The following DCC variants were observed in gnomAD, a reference collection of about 807,000 sequenced individuals.
DCC encodes the protein netrin receptor DCC.
Under a neutral mutation model 172.5 loss-of-function variants are expected in DCC, and 58 were observed. That is an observed-to-expected ratio of 0.34 (90% CI 0.27 to 0.42). The LOEUF is 0.42. Among genes scored for constraint, DCC ranks in the 10% least tolerant of loss-of-function variants. The pLI, the probability that DCC is intolerant of heterozygous loss-of-function variation, is 1.00. For synonymous variants in DCC, 709 were observed against 644.5 expected, an observed-to-expected ratio of 1.10 and a Z score of -1.52; for missense variants, 1,740 against 1,791.0, an observed-to-expected ratio of 0.97 and a Z score of 0.51.
chr18:52,579,466 G>T (rs533449054), intron 1 of DCC, among the ~76,000 whole-genome samples: 2 of 151,826 alleles, frequency 1.3e-5, no homozygotes, highest in Admixed American at 6.5e-5. Context: ...TCTTTTTTTT[G>T]AAATTCTTCC....
chr18:52,831,006 A>C (rs185023153), intron 2 of DCC, among the ~76,000 whole-genome samples: 11 of 152,250 alleles, frequency 7.2e-5, no homozygotes, highest in African/African-American at 2.6e-4. Flanking sequence ...GGCATAGGGC[A>C]AGTCTCGGTA....
chr18:52,701,288 C>T (rs1040390601), intron 1 of DCC, among the ~76,000 whole-genome samples: 1 of 152,044 alleles, frequency 6.6e-6, no homozygotes, highest in South Asian at 2.1e-4. Context: ...GTAGCCTAAC[C>T]TGAACGATAG....
intron 15 of DCC, among the ~76,000 whole-genome samples, chr18:53,356,601 CG>C (rs1300036355): frequency 6.6e-6 from 1 of 152,054 alleles, no homozygotes; most frequent in African/African-American, 2.4e-5. Context: ...TCCATCTGGC[CG>C]GATGGAGTCC....
chr18:53,271,598 C>T lies in DCC; in HGVS notation c.1912-33980C>T, dbSNP rs1335445719. Reference sequence around the variant, plus strand: ...TCTGTTCCTTGCTCCATGGACCTCTCCATAGGGCAGGTCATAGCAAGGCAT... The same window carrying T: ...TCTGTTCCTTGCTCCATGGACCTCTTCATAGGGCAGGTCATAGCAAGGCAT... On this transcript the variant is annotated intron_variant, in intron 12 of 28. Coordinates refer to ENST00000442544, the MANE Select transcript of DCC (RefSeq NM_005215.4). 3.9e-5 allele frequency among the ~76,000 whole-genome samples: 6 copies of T among 152,274 alleles called. No homozygotes were observed. The East Asian group carries it at 1.2e-3, about 29-fold the overall frequency.
chr18:53,017,325 C>G (rs2041822777), intron 5 of DCC, among the ~76,000 whole-genome samples: 1 of 152,040 alleles, frequency 6.6e-6, no homozygotes, highest in Non-Finnish European at 1.5e-5. Flanking sequence ...TAACAACTTC[C>G]AGTAAAAATT....
intron 1 of DCC, among the ~76,000 whole-genome samples, chr18:52,528,826 A>G (rs1336704739): frequency 1.3e-5 from 2 of 152,132 alleles, no homozygotes; most frequent in African/African-American, 4.8e-5. Flanking sequence ...ATGTTTCTGC[A>G]CAAATTTCCT....
chr18:53,467,504 A>T (rs1055149306), intron 24 of DCC, among the ~76,000 whole-genome samples: 6 of 152,180 alleles, frequency 3.9e-5, no homozygotes, highest in African/African-American at 9.6e-5. Flanking sequence ...GTGGAATATT[A>T]CATAGCTGTT....
At chr18:53,528,883 G>A (rs2046488264) in intron 28 of DCC, among the ~76,000 whole-genome samples, 1 of 151,882 alleles carries the variant, frequency 6.6e-6, no homozygotes, top group South Asian at 2.1e-4. Flanking sequence ...GAATATAATA[G>A]TTACATGTGG....
intron 1 of DCC, among the ~76,000 whole-genome samples, chr18:52,531,487 A>G (rs2144684811): frequency 6.6e-6 from 1 of 152,260 alleles, no homozygotes; most frequent in Admixed American, 6.5e-5. Flanking sequence ...TCATTACAGT[A>G]TGGTTTGTAT....
chr18:53,136,496 G>T (rs2043745063), intron 7 of DCC, among the ~76,000 whole-genome samples: 1 of 152,082 alleles, frequency 6.6e-6, no homozygotes, highest in Non-Finnish European at 1.5e-5. Context: ...TATGTGGAGG[G>T]AAAGAAGCCA....
intron 15 of DCC, among the ~76,000 whole-genome samples, chr18:53,377,555 A>G (rs2144972733): frequency 6.6e-6 from 1 of 152,294 alleles, no homozygotes; most frequent in East Asian, 1.9e-4. Flanking sequence ...TAAATTTCCA[A>G]CGCATGAACC....
chr18:53,407,528 G>GAGATATATATATATAT (rs1555666923), intron 19 of DCC, among the ~76,000 whole-genome samples: 1 of 117,438 alleles, frequency 8.5e-6, no homozygotes, highest in Non-Finnish European at 1.8e-5. Flanking sequence ...TTTTATTCTG[G>GAGATATATATATATAT]ATATATATAT....
chr18:52,557,286 T>C (rs2032938683), intron 1 of DCC, among the ~76,000 whole-genome samples: 1 of 152,184 alleles, frequency 6.6e-6, no homozygotes, highest in Non-Finnish European at 1.5e-5. Flanking sequence ...AAATGTTGCG[T>C]CCCATTATGC....
chr18:53,453,861 A>G (rs1037586764), intron 23 of DCC, among the ~76,000 whole-genome samples: 5 of 152,134 alleles, frequency 3.3e-5, no homozygotes, highest in African/African-American at 1.2e-4. Flanking sequence ...CCAGGTAACA[A>G]TCTTCTACTT....
intron 15 of DCC, among the ~76,000 whole-genome samples, chr18:53,344,193 A>C (rs1315783653): frequency 1.3e-5 from 2 of 151,704 alleles, no homozygotes; most frequent in Non-Finnish European, 2.9e-5. Flanking sequence ...TCTATTTCTA[A>C]TTTATTGACA....
intron 18 of DCC, among the ~76,000 whole-genome samples, chr18:53,399,069 G>A (rs1057143033): frequency 3.3e-5 from 5 of 152,040 alleles, no homozygotes; most frequent in Non-Finnish European, 7.4e-5. Flanking sequence ...TTGAAATCAA[G>A]CATTTCATTC....
At chr18:52,808,392 C>G (rs1177768766) in intron 2 of DCC, among the ~76,000 whole-genome samples, 1 of 113,820 alleles carries the variant, frequency 8.8e-6, no homozygotes, top group Non-Finnish European at 1.8e-5. Context: ...GTGACTCAAT[C>G]AAGATTTGGC....
chr18:52,937,904 T>C lies in DCC; in HGVS notation c.985+12534T>C, dbSNP rs16955869. Reference sequence around the variant, plus strand: ...TTATTGGGTAAGCGGCCATGACATATCATTCGGACTCTAAACTTTGTACAG... The same window carrying C: ...TTATTGGGTAAGCGGCCATGACATACCATTCGGACTCTAAACTTTGTACAG... On this transcript the variant is annotated intron_variant, in intron 5 of 28. Transcript: ENST00000442544. Among the ~76,000 whole-genome samples, 296 of 152,204 alleles carry C rather than the reference T, an allele frequency of 1.9e-3. 1 individual carries two copies. The highest frequency in any genetic ancestry group is 7.0e-3 in the African/African-American group (290 of 41,538).
intron 1 of DCC, among the ~76,000 whole-genome samples, chr18:52,691,232 A>G (rs1461455947): frequency 6.6e-6 from 1 of 152,068 alleles, no homozygotes; most frequent in African/African-American, 2.4e-5. Flanking sequence ...TGGGATGGGG[A>G]GATTCAAGCA....
Sources: allele counts gnomAD v4.1 joint callset (sites outside exome capture counted in the v4.1 genomes callset), GRCh38; gene constraint gnomAD v4.1.1; transcripts MANE v1.5; gene names NCBI Gene and HGNC (gene_info 2026-07-23, HGNC 2026-07-21).